The following NRXN3 variants were observed in gnomAD, a reference collection of about 807,000 sequenced individuals.
NRXN3 encodes neurexin III.
NRXN3 carries 32 observed loss-of-function variants against 137.6 expected under a neutral mutation model. The observed-to-expected ratio is 0.23, with a 90% CI of 0.18 to 0.31. NRXN3 has a LOEUF of 0.31. Ranked by LOEUF, NRXN3 falls within the 10% of genes least tolerant of loss-of-function variation. The probability of loss-of-function intolerance (pLI) is 1.00; values close to 1 mark genes in which losing one functional copy is unlikely to be tolerated. For synonymous variants in NRXN3, 798 were observed against 784.5 expected, an observed-to-expected ratio of 1.02 and a Z score of -0.29; for missense variants, 1,574 against 2,062.5, an observed-to-expected ratio of 0.76 and a Z score of 4.59.
At chr14:78,378,657 A>C (rs998934225) in intron 4 of NRXN3, among the ~76,000 whole-genome samples, 1 of 152,156 alleles carries the variant, frequency 6.6e-6, no homozygotes, top group Non-Finnish European at 1.5e-5. Context: ...TTAAAAGCTA[A>C]ATACATACAT....
At chr14:79,722,119 A>T (rs990485652) in intron 19 of NRXN3, among the ~76,000 whole-genome samples, 1 of 152,084 alleles carries the variant, frequency 6.6e-6, no homozygotes. Context: ...ATTGATGTGA[A>T]GTTTACATGA....
At chr14:78,491,352 A>C (rs1220070363) in intron 4 of NRXN3, among the ~76,000 whole-genome samples, 1 of 152,166 alleles carries the variant, frequency 6.6e-6, no homozygotes, top group Non-Finnish European at 1.5e-5. Flanking sequence ...GGCCAAGGTC[A>C]CAGGCCAATG....
rs2099418657 is a variant in NRXN3 at position 79,867,877 on chromosome 14, T to G, written c.*5913T>G. 1 of 151,758 alleles carries G rather than the reference T, an allele frequency of 6.6e-6. No homozygotes were observed. Among genetic ancestry groups the G allele is most frequent in the Admixed American group, 6.6e-5 (1 of 15,196 alleles). The allele number at this position is 151,758 out of a possible 1,614,324, so 9.4% of individuals were successfully genotyped here. On this transcript the variant is annotated 3_prime_UTR_variant, in exon 21 of 21. Transcript: ENST00000335750. ...AGGGTTGCATGAGAGTGAGGGCATATAAGACAACAACAGCTAAAAGCAATG... is the reference window on the plus strand; with the variant it reads ...AGGGTTGCATGAGAGTGAGGGCATAGAAGACAACAACAGCTAAAAGCAATG...
chr14:78,171,014 G>A (rs1169918748), intron 1 of NRXN3, among the ~76,000 whole-genome samples: 1 of 131,078 alleles, frequency 7.6e-6, no homozygotes, highest in Non-Finnish European at 1.6e-5. Flanking sequence ...CTGAAATGAT[G>A]TGTGCTCATC....
At chr14:79,197,334 A>T (rs12437327) in intron 15 of NRXN3, among the ~76,000 whole-genome samples, 5,411 of 152,168 alleles carry the variant, frequency 0.036, 230 homozygotes, top group East Asian at 0.21. Flanking sequence ...ACAAAAATAG[A>T]CTTGTACCAC....
intron 4 of NRXN3, among the ~76,000 whole-genome samples, chr14:78,341,521 G>T (rs997149867): frequency 6.6e-6 from 1 of 152,168 alleles, no homozygotes; most frequent in Admixed American, 6.6e-5. Flanking sequence ...AAAAATGAGC[G>T]TGACTGTGTT....
At chr14:79,600,649 TGGA>T (rs1169179277) in intron 16 of NRXN3, among the ~76,000 whole-genome samples, 1 of 152,268 alleles carries the variant, frequency 6.6e-6, no homozygotes, top group East Asian at 1.9e-4. Flanking sequence ...AATTCATTTA[TGGA>T]GGAGAATGCC....
intron 9 of NRXN3, among the ~76,000 whole-genome samples, chr14:78,810,034 A>C (rs1400424173): frequency 6.6e-6 from 1 of 151,816 alleles, no homozygotes; most frequent in Non-Finnish European, 1.5e-5. Flanking sequence ...AAAAAAAAAA[A>C]ATGTTTGGTG....
intron 15 of NRXN3, among the ~76,000 whole-genome samples, chr14:79,341,547 C>G (rs2092612362): frequency 6.6e-6 from 1 of 152,148 alleles, no homozygotes; most frequent in Non-Finnish European, 1.5e-5. Flanking sequence ...TCACAGGCAG[C>G]TTAAAGTTTC....
At chr14:79,681,413 G>T (rs1341244862) in intron 17 of NRXN3, among the ~76,000 whole-genome samples, 2 of 152,080 alleles carry the variant, frequency 1.3e-5, no homozygotes, top group Admixed American at 6.6e-5. Context: ...TCTCTTCTGG[G>T]TTGGCTTGGA....
At chr14:79,087,938 A>G (rs942175531) in intron 15 of NRXN3, among the ~76,000 whole-genome samples, 1 of 151,008 alleles carries the variant, frequency 6.6e-6, no homozygotes, top group Non-Finnish European at 1.5e-5. Context: ...TTGGGAAATA[A>G]CAACTAGTTG....
chr14:79,572,143 A>G (rs961792845), intron 16 of NRXN3, among the ~76,000 whole-genome samples: 1 of 152,076 alleles, frequency 6.6e-6, no homozygotes, highest in African/African-American at 2.4e-5. Context: ...ATAGTGTTCT[A>G]TAGATTGTAT....
intron 15 of NRXN3, among the ~76,000 whole-genome samples, chr14:79,026,936 T>TATAA (rs1243202882): frequency 7.5e-6 from 1 of 133,952 alleles, no homozygotes; most frequent in Non-Finnish European, 1.6e-5. Flanking sequence ...TATATATATA[T>TATAA]AACTATTATA....
intron 10 of NRXN3, among the ~76,000 whole-genome samples, chr14:78,846,570 G>A (rs944136523): frequency 6.6e-6 from 1 of 152,022 alleles, no homozygotes; most frequent in Non-Finnish European, 1.5e-5. Flanking sequence ...TTATAAAGTT[G>A]CAATCCTTCC....
chr14:79,270,953 C>A (rs778213126), intron 15 of NRXN3, among the ~76,000 whole-genome samples: 2 of 152,208 alleles, frequency 1.3e-5, no homozygotes, highest in Non-Finnish European at 2.9e-5. Context: ...CTTAATAACA[C>A]TTTGTACCTT....
At chr14:78,557,306 G>A (rs931691400) in intron 4 of NRXN3, among the ~76,000 whole-genome samples, 16 of 149,042 alleles carry the variant, frequency 1.1e-4, no homozygotes, top group Non-Finnish European at 2.4e-4. Context: ...TTCCTGCCTT[G>A]GCCTCTCAAA....
chr14:79,785,451 T>C (rs957772100), intron 19 of NRXN3, among the ~76,000 whole-genome samples: 1 of 152,202 alleles, frequency 6.6e-6, no homozygotes, highest in Non-Finnish European at 1.5e-5. Context: ...TTCCTGCCTC[T>C]AGGCATTAAT....
At chr14:78,783,437 T>C (rs2098777159) in intron 8 of NRXN3, among the ~76,000 whole-genome samples, 1 of 152,060 alleles carries the variant, frequency 6.6e-6, no homozygotes, top group Non-Finnish European at 1.5e-5. Flanking sequence ...AAATAATAGC[T>C]ATTGTGATGT....
chr14:79,762,557 A>C (rs2099042254), intron 19 of NRXN3, among the ~76,000 whole-genome samples: 1 of 151,368 alleles, frequency 6.6e-6, no homozygotes, highest in Non-Finnish European at 1.5e-5. Flanking sequence ...AGCAAGACTG[A>C]GTTCATATGT....
Sources: gnomAD v4.1 joint callset for allele counts (sites outside exome capture counted in the v4.1 genomes callset) on GRCh38, gnomAD v4.1.1 for gene constraint, MANE v1.5 for transcripts, NCBI Gene and HGNC (gene_info 2026-07-23, HGNC 2026-07-21) for gene names.